SYNDIG1: variants seen among roughly 807,000 people sequenced by gnomAD.
SYNDIG1 encodes the protein synapse differentiation inducing 1, also known as synapse differentiation-inducing gene protein 1.
SYNDIG1 carries 9 observed loss-of-function variants against 19.4 expected under a neutral mutation model. The observed-to-expected ratio is 0.46, with a 90% confidence interval of 0.28 to 0.81. The LOEUF (loss-of-function observed/expected upper bound fraction) is 0.81. Ranked by LOEUF, SYNDIG1 falls within the 30% of genes least tolerant of loss-of-function variation. The probability of loss-of-function intolerance (pLI) is 0.12; values close to 1 mark genes in which losing one functional copy is unlikely to be tolerated. For missense variants in SYNDIG1, 311 were observed against 343.3 expected (o/e 0.91, Z 0.74); for synonymous variants, 141 against 145.9 (o/e 0.97, Z 0.24).
chr20:24,636,679 T>C (rs1031871053), intron 3 of SYNDIG1, among the ~76,000 whole-genome samples: 2 of 152,218 alleles, frequency 1.3e-5, no homozygotes, highest in South Asian at 2.1e-4. Context: ...GGCCACCATG[T>C]AGCCTTTTCC....
intron 2 of SYNDIG1, 38 bp from the exon 3 acceptor site, chr20:24,584,818 C>G: frequency 6.2e-7 from 1 of 1,613,716 alleles, no homozygotes; most frequent in South Asian, 1.1e-5. Context: ...CTTTATTAAT[C>G]TTCTCTCCTG....
intron 1 of SYNDIG1, among the ~76,000 whole-genome samples, chr20:24,480,783 A>G (rs1009117985): frequency 6.6e-6 from 1 of 152,262 alleles, no homozygotes; most frequent in African/African-American, 2.4e-5. Flanking sequence ...ACAGTGAAAT[A>G]TAGTTCAGCC....
intron 1 of SYNDIG1, among the ~76,000 whole-genome samples, chr20:24,539,675 G>A (rs561944760): frequency 6.6e-6 from 1 of 152,298 alleles, no homozygotes; most frequent in African/African-American, 2.4e-5. Flanking sequence ...GGGTAGTACT[G>A]ACATCCTAGC....
chr20:24,524,184 G>T (rs889370789), intron 1 of SYNDIG1, among the ~76,000 whole-genome samples: 2 of 152,126 alleles, frequency 1.3e-5, no homozygotes, highest in Non-Finnish European at 2.9e-5. Context: ...CTGACCCATT[G>T]CCTGTCCATG....
chr20:24,621,767 T>A (rs534317731), intron 3 of SYNDIG1, among the ~76,000 whole-genome samples: 42 of 152,192 alleles, frequency 2.8e-4, no homozygotes, highest in Middle Eastern at 3.4e-3. Flanking sequence ...TAACCATGAG[T>A]TGAGCTTGAA....
chr20:24,619,564 C>G (rs555033300), intron 3 of SYNDIG1, among the ~76,000 whole-genome samples: 1 of 152,232 alleles, frequency 6.6e-6, no homozygotes, highest in East Asian at 1.9e-4. Flanking sequence ...ATTTATGTGA[C>G]ATAAACAAGA....
intron 3 of SYNDIG1, among the ~76,000 whole-genome samples, chr20:24,617,038 G>A (rs368801776): frequency 6.6e-6 from 1 of 152,058 alleles, no homozygotes; most frequent in African/African-American, 2.4e-5. Context: ...TGCGGCACCC[G>A]TGCACTCTCA....
intron 2 of SYNDIG1, among the ~76,000 whole-genome samples, chr20:24,559,563 C>T (rs928249997): frequency 6.6e-6 from 1 of 152,218 alleles, no homozygotes; most frequent in South Asian, 2.1e-4. Context: ...ATTTACTGTT[C>T]CCAGGGCTCT....
intron 2 of SYNDIG1, among the ~76,000 whole-genome samples, chr20:24,570,956 AT>A (rs1294506148): frequency 6.6e-6 from 1 of 152,214 alleles, no homozygotes; most frequent in African/African-American, 2.4e-5. Context: ...AAAAAAATGA[AT>A]GAACTATGGA....
intron 1 of SYNDIG1, among the ~76,000 whole-genome samples, chr20:24,540,498 T>G (rs1469782277): frequency 6.6e-6 from 1 of 152,254 alleles, no homozygotes; most frequent in Non-Finnish European, 1.5e-5. Context: ...TGATGTTCAC[T>G]GTGGATTTTT....
chr20:24,538,501 A>G (rs2057405448), intron 1 of SYNDIG1, among the ~76,000 whole-genome samples: 1 of 152,156 alleles, frequency 6.6e-6, no homozygotes, highest in Admixed American at 6.5e-5. Context: ...TTATCCATTC[A>G]TCCACAGACA....
At chr20:24,614,421 A>C (rs1454261764) in intron 3 of SYNDIG1, among the ~76,000 whole-genome samples, 1 of 152,232 alleles carries the variant, frequency 6.6e-6, no homozygotes, top group Non-Finnish European at 1.5e-5. Context: ...GTTGTTGTAA[A>C]GAGTGAAGTA....
intron 1 of SYNDIG1, among the ~76,000 whole-genome samples, chr20:24,523,496 T>A (rs2057051777): frequency 6.6e-6 from 1 of 152,202 alleles, no homozygotes; most frequent in South Asian, 2.1e-4. Context: ...ATTGTCAAGA[T>A]TCTGTAAATG....
chr20:24,488,142 C>T (rs1424433388), intron 1 of SYNDIG1, among the ~76,000 whole-genome samples: 1 of 150,502 alleles, frequency 6.6e-6, no homozygotes, highest in African/African-American at 2.5e-5. Flanking sequence ...AATATCTCTG[C>T]ATAATACTCT....
In SYNDIG1 at chr20:24,633,607, C is replaced by T. The variant is rs576498245; in HGVS notation, c.619-31739C>T. Among the ~76,000 whole-genome samples the T allele has an allele frequency of 5.9e-5, 9 of 152,214 alleles. 1 individual carries two copies. Among genetic ancestry groups the T allele is most frequent in the Middle Eastern group, 3.4e-3 (1 of 294 alleles). On this transcript the variant is annotated intron_variant, in intron 3 of 3. Transcript: ENST00000376862. The stretch of plus-strand genomic sequence containing the variant: ...AATTCCTCCATCCTTTTTTCCAGTT[C>T]GCAAGGGCTGGTTCCCTGGACCAGC...
intron 2 of SYNDIG1, among the ~76,000 whole-genome samples, chr20:24,576,540 G>A (rs1334432500): frequency 6.6e-6 from 1 of 152,206 alleles, no homozygotes; most frequent in Non-Finnish European, 1.5e-5. Flanking sequence ...GGTCAAGGCG[G>A]GGCTCTGAGA....
At chr20:24,536,843 A>G (rs753405901) in intron 1 of SYNDIG1, among the ~76,000 whole-genome samples, 2 of 152,192 alleles carry the variant, frequency 1.3e-5, no homozygotes, top group Non-Finnish European at 2.9e-5. Context: ...AATAAAATAC[A>G]TAAAGCAGGG....
At chr20:24,493,980 C>T (rs1280646225) in intron 1 of SYNDIG1, among the ~76,000 whole-genome samples, 9 of 152,218 alleles carry the variant, frequency 5.9e-5, no homozygotes, top group African/African-American at 2.2e-4. Context: ...AAGCTGGGGA[C>T]AGAGCCGCGG....
intron 2 of SYNDIG1, among the ~76,000 whole-genome samples, chr20:24,579,554 G>A (rs931711741): frequency 3.3e-5 from 5 of 152,212 alleles, no homozygotes; most frequent in Admixed American, 6.5e-5. Context: ...ACCTTCTGAG[G>A]TGGTGGAAAC....
Sources: gnomAD v4.1 joint callset for allele counts (sites outside exome capture counted in the v4.1 genomes callset) on GRCh38, gnomAD v4.1.1 for gene constraint, MANE v1.5 for transcripts, NCBI Gene and HGNC (gene_info 2026-07-23, HGNC 2026-07-21) for gene names.